The following OCM variants were observed in gnomAD, a reference collection of about 807,000 sequenced individuals.
The protein encoded by OCM is oncomodulin.
Under a neutral mutation model 14.1 loss-of-function variants are expected in OCM, and 18 were observed. The observed-to-expected ratio is 1.28, with a 90% confidence interval of 0.88 to 1.89. The LOEUF (loss-of-function observed/expected upper bound fraction) is 1.89. OCM is among the 40% of genes most tolerant of loss of function. The probability of loss-of-function intolerance (pLI) is 0.00; values close to 1 mark genes in which losing one functional copy is unlikely to be tolerated. For missense variants in OCM, 140 were observed against 137.6 expected, an observed-to-expected ratio of 1.02 and a Z score of -0.09; for synonymous variants, 48 against 51.0, an observed-to-expected ratio of 0.94 and a Z score of 0.25.
At chr7:5,875,042 A>G (rs1362281509), upstream of OCM, among the ~76,000 whole-genome samples, 3 of 139,662 alleles carry the variant, frequency 2.1e-5, no homozygotes, top group Non-Finnish European at 4.5e-5. Flanking sequence ...ATCTATATCT[A>G]TATATATATA....
chr7:5,869,869 C>T, the OCM span, among the ~76,000 whole-genome samples: 1 of 152,158 alleles, frequency 6.6e-6, no homozygotes, highest in African/African-American at 2.4e-5. Flanking sequence ...TTGCTCCCGC[C>T]CCTGACATTG....
chr7:5,867,579 C>G, the OCM span, among the ~76,000 whole-genome samples: 2 of 152,022 alleles, frequency 1.3e-5, no homozygotes, highest in Non-Finnish European at 2.9e-5. Flanking sequence ...AAATATTTTT[C>G]TGGTCCCTCC....
intron 1 of OCM, among the ~76,000 whole-genome samples, chr7:5,881,971 C>CAGCTACTT (rs111604428): frequency 2.7e-4 from 41 of 151,234 alleles, no homozygotes; most frequent in African/African-American, 9.7e-4. Context: ...CCTGTAATCT[C>CAGCTACTT]AGCTACTTGG....
At chr7:5,864,747 G>C in the OCM span, among the ~76,000 whole-genome samples, 30 of 152,100 alleles carry the variant, frequency 2.0e-4, 1 homozygote, top group East Asian at 4.1e-3. Context: ...CTGAGGTTGG[G>C]AGTTTGAGAC....
At chr7:5,864,119 C>A in the OCM span, among the ~76,000 whole-genome samples, 1 of 151,776 alleles carries the variant, frequency 6.6e-6, no homozygotes, top group African/African-American at 2.4e-5. Context: ...GCAGGAGGGT[C>A]GCTTGAGCCC....
At chr7:5,885,900 T>C (rs1781325292) in intron 3 of OCM, among the ~76,000 whole-genome samples, 164 bp from the exon 4 acceptor site, 2 of 152,288 alleles carry the variant, frequency 1.3e-5, no homozygotes, top group South Asian at 4.1e-4. Context: ...TGAGCCACTG[T>C]GCCCGGCCAG....
the OCM span, among the ~76,000 whole-genome samples, chr7:5,869,755 C>T: frequency 6.6e-6 from 1 of 152,164 alleles, no homozygotes; most frequent in Non-Finnish European, 1.5e-5. Flanking sequence ...CAACTCACCG[C>T]CCTGCCCATA....
chr7:5,872,699 C>G, the OCM span, among the ~76,000 whole-genome samples: 1 of 151,990 alleles, frequency 6.6e-6, no homozygotes, highest in Non-Finnish European at 1.5e-5. Context: ...GAGTCATCAC[C>G]ACTCCCTAAT....
At chr7:5,863,531 ATT>A in the OCM span, among the ~76,000 whole-genome samples, 2 of 133,464 alleles carry the variant, frequency 1.5e-5, no homozygotes, top group African/African-American at 2.8e-5. Context: ...TGGATGGTTC[ATT>A]TTTTTTTTTT....
chr7:5,870,157 A>C, the OCM span, among the ~76,000 whole-genome samples: 2 of 151,950 alleles, frequency 1.3e-5, no homozygotes, highest in African/African-American at 4.8e-5. Flanking sequence ...CCCAGGCTGG[A>C]GTGCAGTGGT....
the OCM span, among the ~76,000 whole-genome samples, chr7:5,873,205 T>A: frequency 6.6e-6 from 1 of 152,020 alleles, no homozygotes; most frequent in African/African-American, 2.4e-5. Flanking sequence ...TAAAACCCTG[T>A]CTCTACTAAA....
chr7:5,862,930 T>G, the OCM span, among the ~76,000 whole-genome samples: 4 of 151,746 alleles, frequency 2.6e-5, no homozygotes, highest in Admixed American at 6.6e-5. Context: ...AAATGTAGAT[T>G]TACTGGGCTT....
chr7:5,882,741 G>T, intron 2 of OCM, 116 bp downstream of exon 2: 1 of 1,254,858 alleles, frequency 8.0e-7, no homozygotes, highest in Non-Finnish European at 1.1e-6. Context: ...TGGTCATTCG[G>T]CCAAGCATCA....
the OCM span, among the ~76,000 whole-genome samples, chr7:5,873,023 G>A: frequency 2.6e-5 from 4 of 152,074 alleles, no homozygotes; most frequent in Middle Eastern, 6.8e-3. Flanking sequence ...AACCACAATC[G>A]CATCATTGCA....
At chr7:5,866,603 G>GTTGTTTGA in the OCM span, among the ~76,000 whole-genome samples, 3 of 152,268 alleles carry the variant, frequency 2.0e-5, no homozygotes, top group African/African-American at 7.2e-5. Context: ...AACCAAATGT[G>GTTGTTTGA]TTGTTTGATT....
At chr7:5,862,276 C>A in the OCM span, among the ~76,000 whole-genome samples, 1 of 152,106 alleles carries the variant, frequency 6.6e-6, no homozygotes, top group Non-Finnish European at 1.5e-5. Flanking sequence ...ACTGCCTTCC[C>A]TTTTGTTCCC....
chr7:5,870,392 C>T, the OCM span, among the ~76,000 whole-genome samples: 2 of 152,306 alleles, frequency 1.3e-5, no homozygotes, highest in Non-Finnish European at 2.9e-5. Context: ...GGATTACAGG[C>T]GTGAGCCACT....
the OCM span, among the ~76,000 whole-genome samples, chr7:5,868,017 AGT>A: frequency 2.0e-5 from 3 of 151,394 alleles, no homozygotes; most frequent in Admixed American, 6.6e-5. Context: ...GGATTACAGG[AGT>A]GAGCCACCGC....
chr7:5,885,023 G>T (rs1195507955), intron 3 of OCM, among the ~76,000 whole-genome samples: 1 of 151,942 alleles, frequency 6.6e-6, no homozygotes, highest in African/African-American at 2.4e-5. Context: ...GGGAAGCTGA[G>T]GCAGGAGAAT....
Sources: gnomAD v4.1 joint callset for allele counts (sites outside exome capture counted in the v4.1 genomes callset) on GRCh38, gnomAD v4.1.1 for gene constraint, MANE v1.5 for transcripts, NCBI Gene and HGNC (gene_info 2026-07-23, HGNC 2026-07-21) for gene names.